The following ELP4 variants were observed in gnomAD, a reference collection of about 807,000 sequenced individuals.
ELP4 encodes the protein elongator acetyltransferase complex subunit 4.
Under a neutral mutation model 48.9 loss-of-function variants are expected in ELP4, and 51 were observed. The ratio of observed to expected loss-of-function variants is 1.04; its 90% confidence interval spans 0.83 to 1.32. The LOEUF (loss-of-function observed/expected upper bound fraction) is 1.32. ELP4 is among the 40% of genes most tolerant of loss of function. The probability of loss-of-function intolerance (pLI) is 0.00; values close to 1 mark genes in which losing one functional copy is unlikely to be tolerated. For missense variants in ELP4, 519 were observed against 514.6 expected, an observed-to-expected ratio of 1.01 and a Z score of -0.08; for synonymous variants, 210 against 189.2, an observed-to-expected ratio of 1.11 and a Z score of -0.90.
chr11:31,770,742 G>A lies in ELP4; in HGVS notation c.1144-12651G>A, dbSNP rs187487517. 8.7e-5 allele frequency among the ~76,000 whole-genome samples: 13 copies of A among 150,236 alleles called. No individual in the cohort carries two copies. The East Asian group carries it at 2.2e-3, about 25-fold the overall frequency. The stretch of plus-strand genomic sequence containing the variant: ...ACCAGCCTGGGCAACATAGTAAGAC[G>A]CCCATCTCTACAAAAAATAGATGTG... On this transcript the variant is annotated intron_variant, in intron 9 of 9. Coordinates refer to ENST00000640961, the MANE Select transcript of ELP4 (RefSeq NM_019040.5).
chr11:31,780,451 C>T (rs1011226266), intron 9 of ELP4, among the ~76,000 whole-genome samples: 5 of 152,176 alleles, frequency 3.3e-5, no homozygotes, highest in African/African-American at 1.2e-4. Context: ...CAAAATCACA[C>T]ATAGATTCAC....
At chr11:31,521,655 A>G (rs541593517) in intron 2 of ELP4, among the ~76,000 whole-genome samples, 7 of 152,250 alleles carry the variant, frequency 4.6e-5, no homozygotes, top group African/African-American at 1.7e-4. Context: ...CATGCACAAT[A>G]AGGATCAAAG....
intron 7 of ELP4, among the ~76,000 whole-genome samples, chr11:31,635,462 T>G (rs1235536057): frequency 6.6e-6 from 1 of 151,950 alleles, no homozygotes; most frequent in East Asian, 1.9e-4. Context: ...CCTATTACCA[T>G]AATCTTAACG....
chr11:31,687,572 T>C (rs1946187144), intron 9 of ELP4: 1 of 152,108 alleles, frequency 6.6e-6, no homozygotes, highest in Non-Finnish European at 1.5e-5. Flanking sequence ...TGGTTAAAGA[T>C]CTAATGGCTT....
chr11:31,553,334 A>G (rs181412561), intron 3 of ELP4, among the ~76,000 whole-genome samples: 1 of 152,262 alleles, frequency 6.6e-6, no homozygotes, highest in African/African-American at 2.4e-5. Context: ...AAAGGAATTA[A>G]CATTTAATTT....
intron 2 of ELP4, among the ~76,000 whole-genome samples, chr11:31,521,294 T>G (rs1483288883): frequency 6.6e-6 from 1 of 152,042 alleles, no homozygotes; most frequent in East Asian, 1.9e-4. Flanking sequence ...ATGTTTTTTT[T>G]TTTTAGCTTA....
At chr11:31,681,621 G>T (rs376878508) in intron 9 of ELP4, among the ~76,000 whole-genome samples, 19 of 152,056 alleles carry the variant, frequency 1.2e-4, no homozygotes, top group African/African-American at 4.6e-4. Context: ...GAAAGGGAAA[G>T]TAACGTTTTT....
At chr11:31,615,874 C>T (rs1446854228) in intron 5 of ELP4, among the ~76,000 whole-genome samples, 1 of 152,074 alleles carries the variant, frequency 6.6e-6, no homozygotes, top group African/African-American at 2.4e-5. Context: ...ACCTTCCATC[C>T]TGCAACTGGA....
At chr11:31,687,064 A>G (rs1225524257) in intron 9 of ELP4, among the ~76,000 whole-genome samples, 2 of 152,124 alleles carry the variant, frequency 1.3e-5, no homozygotes, top group Non-Finnish European at 2.9e-5. Flanking sequence ...TTAGTAAGAG[A>G]AAAGGAGGAG....
intron 1 of ELP4, among the ~76,000 whole-genome samples, chr11:31,515,730 C>T (rs1956099562): frequency 1.3e-5 from 2 of 152,084 alleles, no homozygotes; most frequent in South Asian, 4.1e-4. Flanking sequence ...CCTTTCTGGG[C>T]CAGATACCTC....
At chr11:31,732,970 G>A (rs944732518) in intron 9 of ELP4, among the ~76,000 whole-genome samples, 2 of 152,120 alleles carry the variant, frequency 1.3e-5, no homozygotes, top group Admixed American at 1.3e-4. Flanking sequence ...GACAATAATA[G>A]TAGGAGATTT....
At chr11:31,600,269 A>G (rs952186353) in intron 4 of ELP4, 4 of 152,058 alleles carry the variant, frequency 2.6e-5, no homozygotes, top group Non-Finnish European at 4.4e-5. Flanking sequence ...CTTCTCCCCT[A>G]TCTTATAATC....
At chr11:31,663,508 A>T (rs1479837379) in intron 9 of ELP4, 1 of 152,014 alleles carries the variant, frequency 6.6e-6, no homozygotes, top group Non-Finnish European at 1.5e-5. Flanking sequence ...ATAACTGAAT[A>T]TTGAGAGGCA....
At chr11:31,565,998 A>G (rs536112842) in intron 3 of ELP4, among the ~76,000 whole-genome samples, 1 of 152,050 alleles carries the variant, frequency 6.6e-6, no homozygotes, top group Admixed American at 6.6e-5. Context: ...ATTCTTCCTA[A>G]CCATGAGCAT....
At chr11:31,726,707 T>C (rs1390793746) in intron 9 of ELP4, among the ~76,000 whole-genome samples, 1 of 152,160 alleles carries the variant, frequency 6.6e-6, no homozygotes, top group Non-Finnish European at 1.5e-5. Context: ...CATTACCTTG[T>C]TTAGCCCAGC....
Position 31,652,070 on chromosome 11 carries a change from A to G in ELP4, c.1143+1849A>G, listed in dbSNP as rs928303021. On this transcript the variant is annotated intron_variant, in intron 9 of 9. Transcript: ENST00000640961. ...TTCCATTTTCTCTCTTGTTCCCACT[A>G]TGGTAAACTAAGAATCATTATAATT... The G allele has an allele frequency of 2.6e-5, 4 of 151,750 alleles. No individual in the cohort carries two copies. The Admixed American group carries it at 2.6e-4, about 10-fold the overall frequency. The allele number at this position is 151,750 out of a possible 1,614,324, so 9.4% of individuals were successfully genotyped here. A position where few individuals can be genotyped will look rare whatever the true frequency, so the allele number is the denominator to read the frequency against.
intron 9 of ELP4, among the ~76,000 whole-genome samples, chr11:31,723,792 C>T (rs2134190205): frequency 6.6e-6 from 1 of 152,262 alleles, no homozygotes; most frequent in African/African-American, 2.4e-5. Context: ...CTTATTTATG[C>T]ACTGAAAAAG....
At chr11:31,734,639 A>G (rs1355129829) in intron 9 of ELP4, among the ~76,000 whole-genome samples, 1 of 152,246 alleles carries the variant, frequency 6.6e-6, no homozygotes, top group Non-Finnish European at 1.5e-5. Context: ...TAAAATACTT[A>G]GGAAAAAACT....
At chr11:31,529,040 G>GTATA (rs34149746) in intron 2 of ELP4, among the ~76,000 whole-genome samples, 152 of 145,912 alleles carry the variant, frequency 1.0e-3, no homozygotes, top group East Asian at 3.8e-3. Context: ...TTGGCTATGT[G>GTATA]TATATATATA....
Sources: gnomAD v4.1 joint callset for allele counts (sites outside exome capture counted in the v4.1 genomes callset) on GRCh38, gnomAD v4.1.1 for gene constraint, MANE v1.5 for transcripts, NCBI Gene and HGNC (gene_info 2026-07-23, HGNC 2026-07-21) for gene names.